TSNARE1: variants seen among roughly 807,000 people sequenced by gnomAD.
TSNARE1 encodes the protein t-SNARE domain containing 1, also known as t-SNARE domain-containing protein 1.
In TSNARE1, 49 loss-of-function variants were observed where a neutral mutation model predicts 62.0. That is an observed-to-expected ratio of 0.79 (90% CI 0.63 to 1.00). The LOEUF (loss-of-function observed/expected upper bound fraction) is 1.00, where lower values mean the gene tolerates loss of function less well. TSNARE1 is among the 50% of genes least tolerant of loss of function. The pLI is 0.00. For synonymous variants in TSNARE1, 328 were observed against 294.4 expected, an observed-to-expected ratio of 1.11 and a Z score of -1.17; for missense variants, 755 against 700.1, an observed-to-expected ratio of 1.08 and a Z score of -0.88.
In TSNARE1 at chr8:142,277,380, C is replaced by T. The variant is rs565809997; in HGVS notation, c.1364-2517G>A. The T allele has an allele frequency of 1.2e-5, 12 of 985,412 alleles. No individual in the cohort carries two copies. In the African/African-American group the frequency reaches 1.7e-4, roughly 14 times the overall value. The allele number at this position is 985,412 out of a possible 1,614,324, so 61.0% of individuals were successfully genotyped here. On this transcript the variant is annotated intron_variant, in intron 11 of 13. Coordinates refer to ENST00000524325, the MANE Select transcript of TSNARE1 (RefSeq NM_145003.5). ...GCCCAGTGCCCTCAGGGCACAGGGACCCCTGTGGGAGACCCCCCTGCACTG... is the reference window on the plus strand; with the variant it reads ...GCCCAGTGCCCTCAGGGCACAGGGATCCCTGTGGGAGACCCCCCTGCACTG...
chr8:142,392,777 C>T (rs1395681385), intron 1 of TSNARE1, among the ~76,000 whole-genome samples: 1 of 151,998 alleles, frequency 6.6e-6, no homozygotes, highest in Non-Finnish European at 1.5e-5. Flanking sequence ...CCCGTCTCTA[C>T]TAAAAATACA....
intron 1 of TSNARE1, among the ~76,000 whole-genome samples, chr8:142,370,881 T>C (rs1368003044): frequency 6.7e-6 from 1 of 149,536 alleles, no homozygotes; most frequent in South Asian, 2.1e-4. Context: ...CAGAATTCTA[T>C]ACCCAGTGAA....
At chr8:142,320,924 G>A (rs1322236028) in intron 6 of TSNARE1, among the ~76,000 whole-genome samples, 2 of 152,230 alleles carry the variant, frequency 1.3e-5, no homozygotes, top group Non-Finnish European at 2.9e-5. Context: ...AAGGCAGCCC[G>A]TTTCCTGTAG....
In TSNARE1 at chr8:142,344,113, C is replaced by T. The variant is rs558618202; in HGVS notation, c.598G>A (p.Gly200Ser). Residue 200 changes from glycine to serine, a missense_variant, in exon 4 of 14, where the codon GGC (glycine) becomes AGC (serine). Transcript: ENST00000524325. ...CCATGGGCCGCCTTCCGGAGGTCGC[C>T]CAGCTTGCGCCGCACGACGGCTCGT... ...DLRAVVRRKL[G>S]DLRKAAHGPS... is the part of the protein sequence containing the mutation. 13 of 1,611,494 alleles carry T rather than the reference C, an allele frequency of 8.1e-6. No homozygotes were observed. In the African/African-American group the frequency reaches 9.3e-5, roughly 12 times the overall value.
intron 11 of TSNARE1, among the ~76,000 whole-genome samples, chr8:142,282,593 T>C (rs1352161115): frequency 6.7e-6 from 1 of 148,728 alleles, no homozygotes; most frequent in Non-Finnish European, 1.5e-5. Context: ...GGCCAGTGTC[T>C]ATCAATGAGC....
intron 12 of TSNARE1, among the ~76,000 whole-genome samples, chr8:142,264,606 A>C (rs1164672041): frequency 6.6e-6 from 1 of 152,246 alleles, no homozygotes; most frequent in Non-Finnish European, 1.5e-5. Flanking sequence ...AGAAGGGTTT[A>C]GGATTTTTCA....
chr8:142,234,339 C>T (rs1446921007), intron 12 of TSNARE1, among the ~76,000 whole-genome samples: 1 of 151,508 alleles, frequency 6.6e-6, no homozygotes, highest in Non-Finnish European at 1.5e-5. Context: ...TGACCCCAAC[C>T]ATGGGTTCAG....
intron 12 of TSNARE1, among the ~76,000 whole-genome samples, chr8:142,232,181 C>T (rs995592224): frequency 6.6e-6 from 1 of 152,248 alleles, no homozygotes; most frequent in Non-Finnish European, 1.5e-5. Flanking sequence ...GGCCGAGGTG[C>T]ATGCTGGAGG....
intron 10 of TSNARE1, among the ~76,000 whole-genome samples, chr8:142,290,963 C>T (rs1823643318): frequency 6.6e-6 from 1 of 152,212 alleles, no homozygotes; most frequent in Non-Finnish European, 1.5e-5. Context: ...GTAGGCAGTG[C>T]TGGCAGAAAG....
chr8:142,294,898 CT>C (rs1208538154), intron 10 of TSNARE1, among the ~76,000 whole-genome samples: 1 of 152,234 alleles, frequency 6.6e-6, no homozygotes, highest in Admixed American at 6.5e-5. Context: ...TCTCCATCTT[CT>C]CCCCCATCCA....
At chr8:142,272,904 G>A in intron 12 of TSNARE1, 2 of 984,480 alleles carry the variant, frequency 2.0e-6, no homozygotes, top group African/African-American at 1.8e-5. Context: ...GCCCCTCGCA[G>A]GCAGGTGGGA....
At chr8:142,368,586 C>A (rs1835720000) in intron 1 of TSNARE1, among the ~76,000 whole-genome samples, 1 of 152,140 alleles carries the variant, frequency 6.6e-6, no homozygotes, top group South Asian at 2.1e-4. Flanking sequence ...ACGGGAGACC[C>A]CAGGGGCCAC....
chr8:142,235,752 A>C (rs1399492929), intron 12 of TSNARE1, among the ~76,000 whole-genome samples: 1 of 152,196 alleles, frequency 6.6e-6, no homozygotes, highest in East Asian at 1.9e-4. Flanking sequence ...CAAAGGCGGC[A>C]GCGGGTGAGA....
chr8:142,375,004 AG>A (rs1334539119), intron 1 of TSNARE1, among the ~76,000 whole-genome samples: 1 of 152,218 alleles, frequency 6.6e-6, no homozygotes, highest in Non-Finnish European at 1.5e-5. Context: ...GGGAGGAGAC[AG>A]GCTTGCTGGA....
chr8:142,338,484 G>T (rs1832088085), intron 4 of TSNARE1, among the ~76,000 whole-genome samples: 1 of 150,460 alleles, frequency 6.6e-6, no homozygotes, highest in African/African-American at 2.5e-5. Flanking sequence ...TGGCTGCCTG[G>T]ACCACTGGGC....
At chr8:142,344,869 G>A (rs1039230303) in intron 3 of TSNARE1, among the ~76,000 whole-genome samples, 1 of 152,240 alleles carries the variant, frequency 6.6e-6, no homozygotes, top group Non-Finnish European at 1.5e-5. Flanking sequence ...CCTGGGGACA[G>A]CCTTGCCAGC....
intron 12 of TSNARE1, among the ~76,000 whole-genome samples, chr8:142,231,560 C>G (rs1331297171): frequency 1.3e-5 from 2 of 152,176 alleles, no homozygotes; most frequent in African/African-American, 2.4e-5. Flanking sequence ...GAATTAAGGA[C>G]AACTTCAGGA....
At chr8:142,223,278 A>ATT in intron 13 of TSNARE1, among the ~76,000 whole-genome samples, 1 of 15,816 alleles carries the variant, frequency 6.3e-5, no homozygotes, top group East Asian at 2.5e-3. Context: ...TCATTCAGTC[A>ATT]CTCACTCATA....
At chr8:142,348,684 G>A (rs892941605) in intron 2 of TSNARE1, among the ~76,000 whole-genome samples, 4 of 149,642 alleles carry the variant, frequency 2.7e-5, no homozygotes, top group South Asian at 4.3e-4. Context: ...TGCCAAGGGC[G>A]TGTCGACATT....
Sources: gnomAD v4.1 joint callset for allele counts (sites outside exome capture counted in the v4.1 genomes callset) on GRCh38, gnomAD v4.1.1 for gene constraint, MANE v1.5 for transcripts, NCBI Gene and HGNC (gene_info 2026-07-23, HGNC 2026-07-21) for gene names.